The following STX8 variants were observed in gnomAD, a reference collection of about 807,000 sequenced individuals.
STX8 encodes syntaxin-8.
STX8 carries 23 observed loss-of-function variants against 37.5 expected under a neutral mutation model. That is an observed-to-expected ratio of 0.61 (90% CI 0.44 to 0.87). The LOEUF is 0.87. Among genes scored for constraint, STX8 ranks in the 40% least tolerant of loss-of-function variants. STX8 has a pLI of 0.00. For synonymous variants in STX8, 115 were observed against 99.1 expected, an observed-to-expected ratio of 1.16 and a Z score of -0.95; for missense variants, 313 against 284.7, an observed-to-expected ratio of 1.10 and a Z score of -0.71.
intron 4 of STX8, among the ~76,000 whole-genome samples, chr17:9,526,003 C>A (rs1905553843): frequency 6.6e-6 from 1 of 152,304 alleles, no homozygotes; most frequent in South Asian, 2.1e-4. Context: ...CAGAATGACA[C>A]AAGGCAAACT....
At chr17:9,311,730 A>G (rs1339459743) in intron 7 of STX8, among the ~76,000 whole-genome samples, 1 of 152,252 alleles carries the variant, frequency 6.6e-6, no homozygotes, top group East Asian at 1.9e-4. Context: ...TGTGGATATT[A>G]CATGTCCCTA....
intron 4 of STX8, among the ~76,000 whole-genome samples, chr17:9,537,745 T>C (rs1409364232): frequency 6.6e-6 from 1 of 152,220 alleles, no homozygotes; most frequent in Non-Finnish European, 1.5e-5. Flanking sequence ...TTGAGGTATT[T>C]AAAATATAGA....
At chr17:9,481,849 A>C (rs1176234416) in intron 6 of STX8, among the ~76,000 whole-genome samples, 1 of 152,184 alleles carries the variant, frequency 6.6e-6, no homozygotes, top group Non-Finnish European at 1.5e-5. Flanking sequence ...TCTAGGTTGC[A>C]CACTCCTTAC....
chr17:9,315,192 CCTGG>C (rs1909341897), intron 7 of STX8, among the ~76,000 whole-genome samples: 1 of 151,898 alleles, frequency 6.6e-6, no homozygotes, highest in Non-Finnish European at 1.5e-5. Context: ...AACCTGAGTT[CCTGG>C]CCATGACAGG....
chr17:9,394,952 C>T (rs1478906862), intron 6 of STX8, among the ~76,000 whole-genome samples: 1 of 150,094 alleles, frequency 6.7e-6, no homozygotes, highest in Non-Finnish European at 1.5e-5. Flanking sequence ...TGGCGGGCGC[C>T]GTAATCCCAA....
chr17:9,259,181 C>T (rs1906915794), intron 7 of STX8, among the ~76,000 whole-genome samples: 1 of 152,174 alleles, frequency 6.6e-6, no homozygotes, highest in Non-Finnish European at 1.5e-5. Flanking sequence ...CTCAGTTCTA[C>T]CATCTCTGAA....
intron 7 of STX8, among the ~76,000 whole-genome samples, chr17:9,312,195 CTTTTTTT>C (rs879738211): frequency 7.2e-6 from 1 of 138,714 alleles, no homozygotes. Flanking sequence ...GCATGAGACT[CTTTTTTT>C]TTTTGTTTTT....
Position 9,288,140 on chromosome 17 carries a change from CAAAA to C in STX8, c.644-37499_644-37496del, listed in dbSNP as rs60385667. 3.0e-3 allele frequency among the ~76,000 whole-genome samples: 185 copies of C among 61,468 alleles called. 1 individual carries two copies. The highest frequency in any genetic ancestry group is 4.7e-3 in the East Asian group (8 of 1,718). The allele number at this position is 61,468 out of a possible 152,430, so 40.3% of individuals were successfully genotyped here. ...AAAGCAAAACAAACAAACAAACAAA[CAAAA>C]AAAAAAAAAACCAAAAACAAAAAAC... On this transcript the variant is annotated intron_variant, in intron 7 of 7. Coordinates refer to ENST00000306357, the MANE Select transcript of STX8 (RefSeq NM_004853.3).
At chr17:9,466,428 T>C (rs556683873) in intron 6 of STX8, among the ~76,000 whole-genome samples, 3 of 152,292 alleles carry the variant, frequency 2.0e-5, no homozygotes, top group African/African-American at 7.2e-5. Context: ...TGGACTAAAT[T>C]CATTAATCGC....
chr17:9,575,714 G>A, intron 1 of STX8, 78 bp downstream of exon 1: 5 of 1,514,650 alleles, frequency 3.3e-6, no homozygotes, highest in South Asian at 1.2e-5. Context: ...GCGGCAATGC[G>A]AAGTGATTGC....
intron 6 of STX8, among the ~76,000 whole-genome samples, chr17:9,454,507 T>A (rs957172011): frequency 6.6e-6 from 1 of 150,834 alleles, no homozygotes; most frequent in Non-Finnish European, 1.5e-5. Flanking sequence ...TGAAACCCCA[T>A]CTCTACTAAA....
At chr17:9,449,376 C>T (rs942874303) in intron 6 of STX8, among the ~76,000 whole-genome samples, 4 of 152,122 alleles carry the variant, frequency 2.6e-5, no homozygotes, top group South Asian at 4.1e-4. Context: ...CTGGCTTACA[C>T]GGCGAAACCC....
In STX8 at chr17:9,349,148, TA is replaced by T. The variant is rs199804964; in HGVS notation, c.643+29403del. Among the ~76,000 whole-genome samples the T allele has an allele frequency of 9.3e-3, 1,400 of 150,958 alleles. 18 individuals are homozygous for T. The highest frequency in any genetic ancestry group is 0.032 in the African/African-American group (1,315 of 41,086). ...CTGGGATTATAGGCGTCCACTTCCA[TA>T]CCCAGCTAATTTTTATATTTTTAGT... On this transcript the variant is annotated intron_variant, in intron 7 of 7. Transcript: ENST00000306357.
At chr17:9,551,640 T>C (rs915848726) in intron 3 of STX8, among the ~76,000 whole-genome samples, 4 of 152,172 alleles carry the variant, frequency 2.6e-5, no homozygotes, top group Non-Finnish European at 5.9e-5. Flanking sequence ...CCCACCATTA[T>C]GGGGGGCTAG....
At chr17:9,547,977 G>A (rs1029221209) in intron 3 of STX8, among the ~76,000 whole-genome samples, 1 of 151,758 alleles carries the variant, frequency 6.6e-6, no homozygotes, top group Non-Finnish European at 1.5e-5. Context: ...GTTTTTTTGA[G>A]AGACAGGATT....
intron 7 of STX8, among the ~76,000 whole-genome samples, chr17:9,322,972 G>A (rs1433069875): frequency 2.6e-5 from 4 of 151,286 alleles, no homozygotes; most frequent in East Asian, 1.9e-4. Flanking sequence ...CCATTCTTTC[G>A]GTGGTCAAAA....
intron 7 of STX8, among the ~76,000 whole-genome samples, chr17:9,255,974 G>A (rs1906781872): frequency 6.6e-6 from 1 of 152,356 alleles, no homozygotes; most frequent in South Asian, 2.1e-4. Flanking sequence ...CTCCTCTGAA[G>A]GATGTTTCGG....
rs1046901385 is a variant in STX8, at chr17:9,263,323, C to G, written c.644-12678G>C. Among the ~76,000 whole-genome samples the G allele has an allele frequency of 4.3e-4, 66 of 152,058 alleles. 2 individuals are homozygous for G. Among genetic ancestry groups the G allele is most frequent in the Middle Eastern group, 3.4e-3 (1 of 294 alleles). On this transcript the variant is annotated intron_variant, in intron 7 of 7. Transcript: ENST00000306357. Reference sequence around the variant, plus strand: ...GAAACCCCATCCTCTACTAAAAATACAAAAAAATTAGCCGGGCATGGTGGC... The same window carrying G: ...GAAACCCCATCCTCTACTAAAAATAGAAAAAAATTAGCCGGGCATGGTGGC...
chr17:9,263,252 G>A (rs760868018), intron 7 of STX8, among the ~76,000 whole-genome samples: 1 of 152,042 alleles, frequency 6.6e-6, no homozygotes, highest in Non-Finnish European at 1.5e-5. Context: ...TGAGGAGGGT[G>A]GATTACCTGA....
Sources: gnomAD v4.1 joint callset for allele counts (sites outside exome capture counted in the v4.1 genomes callset) on GRCh38, gnomAD v4.1.1 for gene constraint, MANE v1.5 for transcripts, NCBI Gene and HGNC (gene_info 2026-07-23, HGNC 2026-07-21) for gene names.